FSHR: variants seen among roughly 807,000 people sequenced by gnomAD.
FSHR encodes follicle stimulating hormone receptor.
FSHR carries 46 observed loss-of-function variants against 52.1 expected under a neutral mutation model. The ratio of observed to expected loss-of-function variants is 0.88; its 90% confidence interval spans 0.70 to 1.13. The LOEUF is 1.13. Ranked by LOEUF, FSHR falls within the 50% of genes most tolerant of loss-of-function variation. The probability of loss-of-function intolerance (pLI) is 0.00; values close to 1 mark genes in which losing one functional copy is unlikely to be tolerated. For missense variants in FSHR, 964 were observed against 834.6 expected (o/e 1.16, Z -1.91); for synonymous variants, 399 against 309.6 (o/e 1.29, Z -3.03).
At chr2:49,117,260 AG>A (rs1215796971) in intron 1 of FSHR, among the ~76,000 whole-genome samples, 5 of 152,192 alleles carry the variant, frequency 3.3e-5, no homozygotes, top group African/African-American at 1.2e-4. Flanking sequence ...TCCAAATCAA[AG>A]CAATCCTTGC....
At chr2:49,129,677 T>C (rs1672195758) in intron 1 of FSHR, among the ~76,000 whole-genome samples, 1 of 152,180 alleles carries the variant, frequency 6.6e-6, no homozygotes, top group African/African-American at 2.4e-5. Context: ...CTGAACATTT[T>C]CAACATTATA....
intron 1 of FSHR, among the ~76,000 whole-genome samples, chr2:49,094,349 A>G (rs148315913): frequency 3.9e-5 from 6 of 152,214 alleles, no homozygotes; most frequent in Non-Finnish European, 7.3e-5. Context: ...TGCCAAATAC[A>G]TATTTAAATA....
intron 1 of FSHR, among the ~76,000 whole-genome samples, chr2:49,149,488 G>C (rs1672984012): frequency 6.6e-6 from 1 of 152,058 alleles, no homozygotes; most frequent in African/African-American, 2.4e-5. Context: ...GGGTTGGATA[G>C]ACCAGCCTTT....
rs121909664 is a variant in FSHR, at chr2:48,963,187, A to T, written c.1634T>A (p.Ile545Asn). Reference protein sequence around the residue: ...LVLNVLAFVVICGCYIHIYLT... With the variant: ...LVLNVLAFVVNCGCYIHIYLT... ...GTAGATGTGGATATAGCAGCCACAG[A>T]TGACCACAAAGGCCAGGACATTGAG... Residue 545 changes from isoleucine to asparagine, a missense_variant, in exon 10 of 10, where the codon ATC (isoleucine) becomes AAC (asparagine). Ile to Asn is a moderately radical substitution (Grantham distance 149). Transcript: ENST00000406846. The T allele has an allele frequency of 6.2e-7, 1 of 1,614,202 alleles. No homozygotes were observed. Among genetic ancestry groups the T allele is most frequent in the Admixed American group, 1.7e-5 (1 of 60,024 alleles).
At position 48,963,224 on chromosome 2, in the gene FSHR, A is replaced by G; in HGVS notation, c.1597T>C (p.Ser533Pro). The G allele has an allele frequency of 6.2e-7, 1 of 1,614,146 alleles. No individual in the cohort carries two copies. Among genetic ancestry groups the G allele is most frequent in the Non-Finnish European group, 8.5e-7 (1 of 1,180,014 alleles). ...DSPLSQLYVM[S>P]LLVLNVLAFV... Reference sequence around the variant, plus strand: ...GCCAGGACATTGAGCACAAGGAGGGACATGACATACAGCTGTGACAAAGGG... The same window carrying G: ...GCCAGGACATTGAGCACAAGGAGGGGCATGACATACAGCTGTGACAAAGGG... The change falls in exon 10 of 10, where the codon TCC becomes CCC. Residue 533 changes from serine to proline, a missense_variant. By Grantham distance (74) the Ser-to-Pro change is moderately conservative. Coordinates refer to ENST00000406846, the MANE Select transcript of FSHR (RefSeq NM_000145.4).
intron 2 of FSHR, among the ~76,000 whole-genome samples, chr2:49,055,256 A>G (rs1409454951): frequency 1.3e-5 from 2 of 151,610 alleles, no homozygotes; most frequent in Non-Finnish European, 2.9e-5. Flanking sequence ...GAACCAGCTG[A>G]GAGCTTCAAC....
chr2:48,964,113 C>G, intron 9 of FSHR, 147 bp from the exon 10 acceptor site: 1 of 694,018 alleles, frequency 1.4e-6, no homozygotes, highest in Non-Finnish European at 2.4e-6. Context: ...TGAGGCTAAC[C>G]TCAAGGGTTA....
At chr2:49,064,402 G>A (rs994253098) in intron 2 of FSHR, among the ~76,000 whole-genome samples, 2 of 152,082 alleles carry the variant, frequency 1.3e-5, no homozygotes, top group African/African-American at 4.8e-5. Flanking sequence ...GCTTTTGGGA[G>A]TGGGTTCTCT....
At chr2:49,087,809 C>A (rs1292930789) in intron 1 of FSHR, among the ~76,000 whole-genome samples, 2 of 152,150 alleles carry the variant, frequency 1.3e-5, no homozygotes, top group Non-Finnish European at 2.9e-5. Context: ...CTACGTGACA[C>A]ACATTATCTA....
At chr2:49,115,300 A>G (rs1211671596) in intron 1 of FSHR, among the ~76,000 whole-genome samples, 1 of 151,992 alleles carries the variant, frequency 6.6e-6, no homozygotes, top group Non-Finnish European at 1.5e-5. Context: ...GATGTGAAAC[A>G]TGTCCTTGTG....
Position 48,963,709 on chromosome 2 carries a change from A to T in FSHR, c.1112T>A (p.Phe371Tyr). The T allele has an allele frequency of 6.2e-7, 1 of 1,614,186 alleles. No homozygotes were observed. The highest frequency in any genetic ancestry group is 8.5e-7 in the Non-Finnish European group (1 of 1,180,024). ...CCCAGTGATGGCCAGGATGCTGATAAACCATATCAGGACTCTGAGGATGTT... is the reference window on the plus strand; with the variant it reads ...CCCAGTGATGGCCAGGATGCTGATATACCATATCAGGACTCTGAGGATGTT... ...GYNILRVLIW[F>Y]ISILAITGNI... The change falls in exon 10 of 10, where the codon TTT becomes TAT. Residue 371 changes from phenylalanine (F) to tyrosine (Y), a missense_variant. Phe to Tyr is a conservative substitution (Grantham distance 22, BLOSUM62 3). Coordinates refer to ENST00000406846, the MANE Select transcript of FSHR (RefSeq NM_000145.4).
intron 2 of FSHR, among the ~76,000 whole-genome samples, chr2:49,053,735 G>A (rs1007764214): frequency 1.3e-5 from 2 of 152,176 alleles, no homozygotes; most frequent in Middle Eastern, 3.2e-3. Flanking sequence ...TCTGATAGAA[G>A]TAGAGGAGGC....
intron 8 of FSHR, among the ~76,000 whole-genome samples, chr2:48,982,397 A>G (rs548242351): frequency 6.6e-6 from 1 of 152,336 alleles, no homozygotes; most frequent in South Asian, 2.1e-4. Flanking sequence ...TAATGTGTAT[A>G]TAGGTCTCAT....
At chr2:49,117,988 G>A (rs1671666243) in intron 1 of FSHR, among the ~76,000 whole-genome samples, 1 of 152,202 alleles carries the variant, frequency 6.6e-6, no homozygotes, top group Non-Finnish European at 1.5e-5. Context: ...AAATATTGCT[G>A]AGCCCTGAAC....
chr2:49,021,544 AG>A (rs1667697568), intron 2 of FSHR, among the ~76,000 whole-genome samples: 1 of 143,294 alleles, frequency 7.0e-6, no homozygotes, highest in East Asian at 2.1e-4. Context: ...AAAGGCCTGG[AG>A]GGGAGGGAAA....
intron 1 of FSHR, among the ~76,000 whole-genome samples, chr2:49,142,916 G>C (rs1191478250): frequency 1.3e-5 from 2 of 152,184 alleles, no homozygotes; most frequent in Non-Finnish European, 2.9e-5. Flanking sequence ...AAGAGATTCT[G>C]TGGGGCTTAA....
intron 1 of FSHR, among the ~76,000 whole-genome samples, chr2:49,130,146 CT>C (rs890923450): frequency 9.2e-5 from 14 of 152,204 alleles, no homozygotes; most frequent in African/African-American, 3.4e-4. Flanking sequence ...GCCTCAGTAG[CT>C]TTTTCTGAGA....
chr2:49,106,777 A>G (rs775241515), intron 1 of FSHR, among the ~76,000 whole-genome samples: 1 of 152,038 alleles, frequency 6.6e-6, no homozygotes, highest in Non-Finnish European at 1.5e-5. Flanking sequence ...GTTCCCTCTA[A>G]TCCAGAGCTT....
In FSHR at chr2:49,101,338, T is replaced by G. The variant is rs138400200; in HGVS notation, c.153-33048A>C. ...AGCAAGTTAGGAGAGTAGGGAAGTATAATAGGGTGGAGTCCCTCCAGAACT... is the reference window on the plus strand; with the variant it reads ...AGCAAGTTAGGAGAGTAGGGAAGTAGAATAGGGTGGAGTCCCTCCAGAACT... On this transcript the variant is annotated intron_variant, in intron 1 of 9. Transcript: ENST00000406846. Among the ~76,000 whole-genome samples the G allele has an allele frequency of 2.4e-3, 360 of 151,990 alleles. 3 individuals carry two copies. The highest frequency in any genetic ancestry group is 3.8e-3 in the Non-Finnish European group (258 of 67,928).
Sources: allele counts gnomAD v4.1 joint callset (sites outside exome capture counted in the v4.1 genomes callset), GRCh38; gene constraint gnomAD v4.1.1; transcripts MANE v1.5; gene names NCBI Gene and HGNC (gene_info 2026-07-23, HGNC 2026-07-21).